Variants in IFNG-AS1 observed in about 807,000 individuals in gnomAD.
The protein encoded by IFNG-AS1 is IFNG regulatory antisense RNA 1.
intron 2 of IFNG-AS1, chr12:68,005,952 C>A (rs1041001774): frequency 6.6e-6 from 1 of 152,246 alleles, no homozygotes; most frequent in Non-Finnish European, 1.5e-5. Flanking sequence ...CCAGCTAAGA[C>A]TGCAGATTAC....
chr12:68,002,066 C>T (rs1879781417), intron 2 of IFNG-AS1, among the ~76,000 whole-genome samples: 1 of 152,146 alleles, frequency 6.6e-6, no homozygotes. Flanking sequence ...TTTGATGTTT[C>T]CTCTCCCGGT....
chr12:68,010,939 A>T (rs1010656893), intron 3 of IFNG-AS1, among the ~76,000 whole-genome samples: 1 of 152,048 alleles, frequency 6.6e-6, no homozygotes, highest in African/African-American at 2.4e-5. Flanking sequence ...TTAGTTCCTT[A>T]CTGTGTTCCT....
chr12:68,003,370 C>A (rs1224299310), intron 2 of IFNG-AS1, among the ~76,000 whole-genome samples: 1 of 151,684 alleles, frequency 6.6e-6, no homozygotes, highest in Non-Finnish European at 1.5e-5. Flanking sequence ...GAAAAGCCTA[C>A]CTAGAACCTA....
intron 2 of IFNG-AS1, among the ~76,000 whole-genome samples, chr12:68,004,219 C>A (rs944303708): frequency 6.6e-6 from 1 of 152,198 alleles, no homozygotes; most frequent in African/African-American, 2.4e-5. Context: ...TCACTGGGTA[C>A]CAATGCATGG....
intron 3 of IFNG-AS1, among the ~76,000 whole-genome samples, chr12:68,010,114 G>A (rs1392382917): frequency 6.6e-6 from 1 of 152,184 alleles, no homozygotes; most frequent in Non-Finnish European, 1.5e-5. Flanking sequence ...TAGGACCTAA[G>A]CTTTATGGTG....
At chr12:68,012,998 A>T (rs1229975874) in intron 3 of IFNG-AS1, among the ~76,000 whole-genome samples, 1 of 152,216 alleles carries the variant, frequency 6.6e-6, no homozygotes, top group East Asian at 1.9e-4. Flanking sequence ...AATGAAGACA[A>T]AAGGGGAAAG....
chr12:67,997,499 GAA>G (rs1879669968), intron 2 of IFNG-AS1, among the ~76,000 whole-genome samples: 1 of 151,410 alleles, frequency 6.6e-6, no homozygotes, highest in East Asian at 1.9e-4. Context: ...AAGACCCAAT[GAA>G]AAAGAGATAT....
chr12:67,994,938 G>A (rs917448897), intron 1 of IFNG-AS1, among the ~76,000 whole-genome samples: 4 of 152,174 alleles, frequency 2.6e-5, no homozygotes, highest in African/African-American at 9.7e-5. Context: ...AGAAAGTGGT[G>A]AAACTAATAT....
chr12:67,993,403 A>G (rs1486345948), intron 1 of IFNG-AS1, among the ~76,000 whole-genome samples: 2 of 152,216 alleles, frequency 1.3e-5, no homozygotes, highest in African/African-American at 4.8e-5. Context: ...ACCATTTATA[A>G]AAGGTCATTG....
intron 3 of IFNG-AS1, among the ~76,000 whole-genome samples, chr12:68,009,828 G>A (rs1190535656): frequency 1.3e-5 from 2 of 152,130 alleles, no homozygotes; most frequent in African/African-American, 4.8e-5. Flanking sequence ...ATACACCAGG[G>A]AAGCAGTACT....
At chr12:67,992,917 T>C (rs1195709323) in intron 1 of IFNG-AS1, among the ~76,000 whole-genome samples, 1 of 152,218 alleles carries the variant, frequency 6.6e-6, no homozygotes, top group Admixed American at 6.5e-5. Flanking sequence ...CCTTTGGTCC[T>C]CCCACCAGTT....
At chr12:68,008,220 T>A (rs1217903522) in intron 3 of IFNG-AS1, among the ~76,000 whole-genome samples, 1 of 152,052 alleles carries the variant, frequency 6.6e-6, no homozygotes, top group African/African-American at 2.4e-5. Flanking sequence ...ATCGAGACCA[T>A]CCTGGCTAAC....
intron 3 of IFNG-AS1, among the ~76,000 whole-genome samples, chr12:68,017,159 C>T (rs1221070333): frequency 6.6e-6 from 1 of 152,034 alleles, no homozygotes; most frequent in African/African-American, 2.4e-5. Context: ...GTAGGAAGAC[C>T]CCTGAGGTGG....
chr12:67,998,936 A>AT (rs1267634327), intron 2 of IFNG-AS1, among the ~76,000 whole-genome samples: 2 of 152,294 alleles, frequency 1.3e-5, no homozygotes, highest in East Asian at 3.9e-4. Context: ...GTTAATGTTT[A>AT]TTTTAGGATT....
At chr12:67,994,484 C>T (rs551233543) in intron 1 of IFNG-AS1, among the ~76,000 whole-genome samples, 1 of 152,282 alleles carries the variant, frequency 6.6e-6, no homozygotes, top group African/African-American at 2.4e-5. Flanking sequence ...CTTGAGTAAA[C>T]AAATACGGAG....
intron 3 of IFNG-AS1, among the ~76,000 whole-genome samples, chr12:68,011,119 T>C (rs1880016506): frequency 6.6e-6 from 1 of 152,184 alleles, no homozygotes; most frequent in South Asian, 2.1e-4. Flanking sequence ...GCTCAGCTGA[T>C]AATATTTGCT....
chr12:67,990,975 T>C (rs1312821609), intron 1 of IFNG-AS1, among the ~76,000 whole-genome samples: 1 of 152,198 alleles, frequency 6.6e-6, no homozygotes, highest in African/African-American at 2.4e-5. Flanking sequence ...TGAAGCACCA[T>C]GTCACCATGT....
chr12:68,016,600 T>G (rs1256222500), intron 3 of IFNG-AS1, among the ~76,000 whole-genome samples: 1 of 152,174 alleles, frequency 6.6e-6, no homozygotes, highest in Non-Finnish European at 1.5e-5. Flanking sequence ...ATAATGAATG[T>G]CAGGTGCCAG....
At chr12:68,015,945 G>A (rs1426343050) in intron 3 of IFNG-AS1, among the ~76,000 whole-genome samples, 5 of 704 alleles carry the variant, frequency 7.1e-3, no homozygotes, top group Non-Finnish European at 6.9e-3. Flanking sequence ...ACTAGAGACG[G>A]GGGGGGGAAA....
Sources: gnomAD v4.1 joint callset for allele counts (sites outside exome capture counted in the v4.1 genomes callset) on GRCh38, gnomAD v4.1.1 for gene constraint, MANE v1.5 for transcripts, NCBI Gene and HGNC (gene_info 2026-07-23, HGNC 2026-07-21) for gene names.